Variants in VAV3 observed in about 807,000 individuals in gnomAD.
VAV3 encodes vav guanine nucleotide exchange factor 3.
Under a neutral mutation model 131.2 loss-of-function variants are expected in VAV3, and 94 were observed. The observed-to-expected ratio is 0.72, with a 90% confidence interval of 0.61 to 0.85. The LOEUF is 0.85. Ranked by LOEUF, VAV3 falls within the 40% of genes least tolerant of loss-of-function variation. VAV3 has a pLI of 0.00. For missense variants in VAV3, 939 were observed against 1,002.7 expected (o/e 0.94, Z 0.86); for synonymous variants, 349 against 342.0 (o/e 1.02, Z -0.22).
intron 2 of VAV3, among the ~76,000 whole-genome samples, chr1:107,782,785 C>T (rs1665765762): frequency 1.3e-5 from 2 of 152,210 alleles, no homozygotes; most frequent in Admixed American, 1.3e-4. Context: ...CAAACTAATG[C>T]CAGATTCTTA....
intron 1 of VAV3, among the ~76,000 whole-genome samples, chr1:107,893,918 G>A (rs1390213292): frequency 6.6e-6 from 1 of 152,154 alleles, no homozygotes; most frequent in Non-Finnish European, 1.5e-5. Flanking sequence ...ACTCTTTCAT[G>A]AAATAAATGT....
intron 17 of VAV3, among the ~76,000 whole-genome samples, chr1:107,697,306 C>T (rs1237769468): frequency 6.6e-6 from 1 of 152,172 alleles, no homozygotes. Context: ...CATTTCATAC[C>T]GCTAATGAAC....
intron 2 of VAV3, among the ~76,000 whole-genome samples, chr1:107,853,465 G>C (rs939199885): frequency 6.6e-6 from 1 of 151,718 alleles, no homozygotes; most frequent in Non-Finnish European, 1.5e-5. Context: ...CTTTTACTTG[G>C]GGGTACTTTT....
intron 15 of VAV3, among the ~76,000 whole-genome samples, chr1:107,719,123 A>T (rs563657284): frequency 6.6e-6 from 1 of 152,206 alleles, no homozygotes; most frequent in Non-Finnish European, 1.5e-5. Flanking sequence ...AACCTAGGCA[A>T]TACCATTCAG....
intron 8 of VAV3, 90 bp from the exon 9 acceptor site, chr1:107,765,265 C>T: frequency 9.8e-7 from 1 of 1,022,566 alleles, no homozygotes; most frequent in Admixed American, 2.0e-5. Context: ...CTCTTTAAAA[C>T]CATTGTTAGG....
rs550998208 is a variant in VAV3, at chr1:107,595,657, T to G, written c.2350+555A>C. Among the ~76,000 whole-genome samples, 16 of 152,328 alleles carry G rather than the reference T, an allele frequency of 1.1e-4. No individual in the cohort carries two copies. The South Asian group carries it at 2.9e-3, about 28-fold the overall frequency. ...TCACAGTCCAACCATAACATGCTTT[T>G]GTTTGCATGCTAATCTTTTGTGATT... On this transcript the variant is annotated intron_variant, in intron 25 of 26. Coordinates refer to ENST00000370056, the MANE Select transcript of VAV3 (RefSeq NM_006113.5).
At position 107,714,353 on chromosome 1, in the gene VAV3, T is replaced by A. The variant is rs371570927; in HGVS notation, c.1503-9292A>T. Among the ~76,000 whole-genome samples, 17 of 152,262 alleles carry A rather than the reference T, an allele frequency of 1.1e-4. No homozygotes were observed. The East Asian group carries it at 2.7e-3, about 24-fold the overall frequency. On this transcript the variant is annotated intron_variant, in intron 15 of 26. Coordinates refer to ENST00000370056, the MANE Select transcript of VAV3 (RefSeq NM_006113.5). ...GTTTCTGTCAAGTCATAGGCACTCC[T>A]AAAATCTCCAGTTCTGACAAAGCAA... is the stretch of plus-strand genomic sequence containing the variant.
At chr1:107,793,740 C>T (rs1241009708) in intron 2 of VAV3, among the ~76,000 whole-genome samples, 1 of 152,042 alleles carries the variant, frequency 6.6e-6, no homozygotes, top group Non-Finnish European at 1.5e-5. Context: ...ATATTTTTAG[C>T]TGGAGAATGA....
intron 2 of VAV3, among the ~76,000 whole-genome samples, chr1:107,801,226 T>C (rs1427630629): frequency 2.6e-5 from 4 of 152,118 alleles, no homozygotes; most frequent in Non-Finnish European, 5.9e-5. Flanking sequence ...TTGTAGTATA[T>C]TTGGAAGTCA....
chr1:107,866,986 A>G (rs896231425), intron 2 of VAV3, among the ~76,000 whole-genome samples: 1 of 152,154 alleles, frequency 6.6e-6, no homozygotes, highest in African/African-American at 2.4e-5. Context: ...TGTGATACCT[A>G]AATAGCATGA....
At chr1:107,685,920 T>TA (rs1382176139) in intron 18 of VAV3, 1 of 149,310 alleles carries the variant, frequency 6.7e-6, no homozygotes, top group African/African-American at 2.5e-5. Context: ...AGGACACATC[T>TA]AGTAGCCACC....
intron 9 of VAV3, among the ~76,000 whole-genome samples, chr1:107,764,592 T>G (rs777910183): frequency 5.9e-5 from 9 of 152,212 alleles, no homozygotes; most frequent in Non-Finnish European, 1.0e-4. Flanking sequence ...CAACCATAGC[T>G]CACTGCAGCT....
chr1:107,721,830 G>A (rs911935267), intron 15 of VAV3, among the ~76,000 whole-genome samples: 2 of 152,158 alleles, frequency 1.3e-5, no homozygotes, highest in African/African-American at 4.8e-5. Flanking sequence ...CATGACTGAG[G>A]GCCACCATTC....
At chr1:107,755,715 C>G (rs1371220676) in intron 11 of VAV3, among the ~76,000 whole-genome samples, 1 of 152,130 alleles carries the variant, frequency 6.6e-6, no homozygotes, top group Admixed American at 6.6e-5. Flanking sequence ...GCTGGGAAGA[C>G]TGAAGAGCTG....
chr1:107,592,425 T>C (rs944759324), intron 25 of VAV3, among the ~76,000 whole-genome samples: 6 of 152,140 alleles, frequency 3.9e-5, no homozygotes, highest in African/African-American at 1.2e-4. Context: ...ATTACCCTTT[T>C]GTAATTAATA....
chr1:107,923,217 GT>G (rs768448367), intron 1 of VAV3, among the ~76,000 whole-genome samples: 2 of 152,130 alleles, frequency 1.3e-5, no homozygotes, highest in Non-Finnish European at 1.5e-5. Context: ...ATTTCTGTGC[GT>G]TTGGGTTTTG....
intron 1 of VAV3, among the ~76,000 whole-genome samples, chr1:107,878,017 AT>A (rs1366173731): frequency 2.0e-5 from 3 of 151,902 alleles, no homozygotes; most frequent in Non-Finnish European, 4.4e-5. Flanking sequence ...TACCAAACTG[AT>A]TTTTTTTCCA....
chr1:107,654,765 C>CA (rs1656420151), intron 19 of VAV3, among the ~76,000 whole-genome samples: 1 of 152,002 alleles, frequency 6.6e-6, no homozygotes, highest in Non-Finnish European at 1.5e-5. Context: ...GCTACTCAAA[C>CA]AAGTCAGCCT....
At chr1:107,927,201 GA>G (rs374552299) in intron 1 of VAV3, among the ~76,000 whole-genome samples, 103 of 152,154 alleles carry the variant, frequency 6.8e-4, no homozygotes, top group South Asian at 1.4e-3. Context: ...GGCCACAAGG[GA>G]ACCCACTGCC....
Sources: gnomAD v4.1 joint callset for allele counts (sites outside exome capture counted in the v4.1 genomes callset) on GRCh38, gnomAD v4.1.1 for gene constraint, MANE v1.5 for transcripts, NCBI Gene and HGNC (gene_info 2026-07-23, HGNC 2026-07-21) for gene names.